Variants in ANAPC10 observed in about 807,000 individuals in gnomAD.
ANAPC10 encodes the protein anaphase-promoting complex subunit 10.
ANAPC10 carries 12 observed loss-of-function variants against 22.0 expected under a neutral mutation model. That is an observed-to-expected ratio of 0.55 (90% CI 0.35 to 0.88). The LOEUF is 0.88. ANAPC10 is among the 40% of genes least tolerant of loss of function. The pLI is 0.01. For missense variants in ANAPC10, 188 were observed against 220.9 expected (o/e 0.85, Z 0.94); for synonymous variants, 65 against 69.5 (o/e 0.94, Z 0.32).
At chr4:144,998,295 ATTG>A (rs1344741291) in intron 4 of ANAPC10, among the ~76,000 whole-genome samples, 1 of 152,208 alleles carries the variant, frequency 6.6e-6, no homozygotes, top group African/African-American at 2.4e-5. Context: ...TCAGCACCAC[ATTG>A]CACTTATTCC....
intron 2 of ANAPC10, among the ~76,000 whole-genome samples, chr4:145,089,672 C>T (rs886786668): frequency 3.3e-5 from 5 of 152,062 alleles, no homozygotes; most frequent in Admixed American, 6.6e-5. Context: ...ACCATTATTT[C>T]AAAGATACAA....
intron 4 of ANAPC10, among the ~76,000 whole-genome samples, chr4:145,020,015 A>G (rs758965944): frequency 6.6e-6 from 1 of 152,154 alleles, no homozygotes; most frequent in African/African-American, 2.4e-5. Context: ...TTCAAAGAAG[A>G]ATTGGTACCG....
At chr4:145,000,279 A>G (rs1280476153) in intron 4 of ANAPC10, among the ~76,000 whole-genome samples, 2 of 152,190 alleles carry the variant, frequency 1.3e-5, no homozygotes, top group African/African-American at 2.4e-5. Flanking sequence ...AAGGCAACCT[A>G]AAGAATGAGA....
intron 4 of ANAPC10, among the ~76,000 whole-genome samples, chr4:145,018,393 G>T (rs1190537322): frequency 6.6e-6 from 1 of 151,976 alleles, no homozygotes; most frequent in African/African-American, 2.4e-5. Flanking sequence ...CAAGGCTTTG[G>T]GAGGCTCAGG....
Position 144,995,611 on chromosome 4 carries a change from G to A in ANAPC10, c.328-8C>T. 2.5e-6 allele frequency: 4 copies of A among 1,572,392 alleles called. No individual in the cohort carries two copies. The highest frequency in any genetic ancestry group is 1.4e-5 in the African/African-American group (1 of 73,182). On this transcript the variant is annotated splice_region_variant and splice_polypyrimidine_tract_variant and intron_variant, in intron 4 of 4. Transcript: ENST00000507656. ...TTCCACCAACTCAAGTTGCTGCCAAGGGAAAAAAAATCAGATTATGCTTTT... is the reference window on the plus strand; with the variant it reads ...TTCCACCAACTCAAGTTGCTGCCAAAGGAAAAAAAATCAGATTATGCTTTT...
chr4:145,077,200 A>G (rs1454261941), intron 3 of ANAPC10, among the ~76,000 whole-genome samples: 3 of 152,120 alleles, frequency 2.0e-5, no homozygotes, highest in Non-Finnish European at 2.9e-5. Context: ...CTCTGTCTCA[A>G]AAAAAATAAA....
At position 145,034,543 on chromosome 4, in the gene ANAPC10, ATGTG is replaced by A. The variant is rs1553968684; in HGVS notation, c.327+30025_327+30028del. Among the ~76,000 whole-genome samples, 555 of 133,786 alleles carry A rather than the reference ATGTG, an allele frequency of 4.1e-3. 22 individuals are homozygous for A. The highest frequency in any genetic ancestry group is 0.026 in the Admixed American group (354 of 13,360). The allele number at this position is 133,786 out of a possible 152,430, so 87.8% of individuals were successfully genotyped here. On this transcript the variant is annotated intron_variant, in intron 4 of 4. Coordinates refer to ENST00000507656, the MANE Select transcript of ANAPC10 (RefSeq NM_001256706.2). ...CTCCTTTATATATATATATATATAT[ATGTG>A]TGTGTGTGTGTGTGTGTGTGTGTGT...
intron 4 of ANAPC10, among the ~76,000 whole-genome samples, chr4:145,039,331 A>G (rs1023628342): frequency 1.3e-5 from 2 of 152,248 alleles, no homozygotes; most frequent in African/African-American, 4.8e-5. Context: ...TCTGACTTCA[A>G]TATAATCTAA....
intron 4 of ANAPC10, among the ~76,000 whole-genome samples, chr4:145,059,029 T>C (rs1319099518): frequency 6.6e-6 from 1 of 152,118 alleles, no homozygotes; most frequent in Non-Finnish European, 1.5e-5. Context: ...AAACTATTTT[T>C]CCAAAGACTT....
intron 4 of ANAPC10, among the ~76,000 whole-genome samples, chr4:145,002,007 AAAG>A (rs1454917923): frequency 2.6e-5 from 4 of 152,180 alleles, no homozygotes; most frequent in Non-Finnish European, 4.4e-5. Context: ...ATGGAAAATA[AAAG>A]AAGGAAGGAA....
Position 145,034,563 on chromosome 4 carries a change from G to A in ANAPC10, c.327+30009C>T, listed in dbSNP as rs1397207027. Among the ~76,000 whole-genome samples, 7 of 135,380 alleles carry A rather than the reference G, an allele frequency of 5.2e-5. No homozygotes were observed. The South Asian group carries it at 1.1e-3, about 22-fold the overall frequency. The allele number at this position is 135,380 out of a possible 152,430, so 88.8% of individuals were successfully genotyped here. ...TATATATGTGTGTGTGTGTGTGTGT[G>A]TGTGTGTGTGTGTATATATCCCACA... On this transcript the variant is annotated intron_variant, in intron 4 of 4. Transcript: ENST00000507656.
intron 2 of ANAPC10, among the ~76,000 whole-genome samples, chr4:145,087,456 C>T (rs1747062917): frequency 6.6e-6 from 1 of 152,016 alleles, no homozygotes; most frequent in Admixed American, 6.6e-5. Context: ...TCCTTAGGCT[C>T]TGCTAGGGGG....
chr4:145,078,845 C>A (rs1745558198), intron 3 of ANAPC10, among the ~76,000 whole-genome samples: 1 of 152,084 alleles, frequency 6.6e-6, no homozygotes, highest in Non-Finnish European at 1.5e-5. Flanking sequence ...TGAAATCAGA[C>A]CCCTCCCTTT....
chr4:145,059,843 C>T (rs576980955), intron 4 of ANAPC10, among the ~76,000 whole-genome samples: 14 of 151,884 alleles, frequency 9.2e-5, no homozygotes, highest in Non-Finnish European at 2.9e-5. Flanking sequence ...GTCCATTGCT[C>T]TAAATGATAA....
At chr4:145,052,259 T>G (rs1395524959) in intron 4 of ANAPC10, among the ~76,000 whole-genome samples, 4 of 152,182 alleles carry the variant, frequency 2.6e-5, no homozygotes, top group African/African-American at 9.7e-5. Context: ...GATTTAAGCG[T>G]TCACACCACA....
chr4:145,097,595 T>C, intron 1 of ANAPC10: 4 of 1,220,666 alleles, frequency 3.3e-6, no homozygotes, highest in Non-Finnish European at 4.3e-6. Flanking sequence ...GACTGTAAAC[T>C]TTGGCAAGGC....
At chr4:145,038,056 T>A (rs1052528976) in intron 4 of ANAPC10, among the ~76,000 whole-genome samples, 1 of 151,990 alleles carries the variant, frequency 6.6e-6, no homozygotes, top group Non-Finnish European at 1.5e-5. Context: ...ATTTTATGAC[T>A]GGGCCTGGTG....
rs181785831 is a variant in ANAPC10 at position 145,045,614 on chromosome 4, C to T, written c.327+18958G>A. 4.9e-3 allele frequency among the ~76,000 whole-genome samples: 753 copies of T among 152,190 alleles called. 4 individuals are homozygous for T. Among genetic ancestry groups the T allele is most frequent in the Non-Finnish European group, 5.8e-3 (393 of 67,946 alleles). On this transcript the variant is annotated intron_variant, in intron 4 of 4. Transcript: ENST00000507656. ...AAGTTTACTAAGATACAATACTCCA[C>T]TTTTTTTCATATCACTTCTAACCCA...
intron 4 of ANAPC10, among the ~76,000 whole-genome samples, chr4:145,005,499 T>G (rs531752700): frequency 6.6e-6 from 1 of 152,304 alleles, no homozygotes; most frequent in Admixed American, 6.5e-5. Context: ...TGTATTCTGC[T>G]AGACTTGGGG....
Sources: allele counts gnomAD v4.1 joint callset (sites outside exome capture counted in the v4.1 genomes callset), GRCh38; gene constraint gnomAD v4.1.1; transcripts MANE v1.5; gene names NCBI Gene and HGNC (gene_info 2026-07-23, HGNC 2026-07-21).